JAKMIP3: variants seen among roughly 807,000 people sequenced by gnomAD.
JAKMIP3 encodes the protein janus kinase and microtubule-interacting protein 3.
Under a neutral mutation model 118.5 loss-of-function variants are expected in JAKMIP3, and 58 were observed. The observed-to-expected ratio is 0.49, with a 90% confidence interval of 0.40 to 0.61. The LOEUF (loss-of-function observed/expected upper bound fraction) is 0.61, where lower values mean the gene tolerates loss of function less well. Ranked by LOEUF, JAKMIP3 falls within the 20% of genes least tolerant of loss-of-function variation. The pLI, the probability that JAKMIP3 is intolerant of heterozygous loss-of-function variation, is 0.00. For synonymous variants in JAKMIP3, 486 were observed against 451.2 expected, an observed-to-expected ratio of 1.08 and a Z score of -0.98; for missense variants, 950 against 1,109.0, an observed-to-expected ratio of 0.86 and a Z score of 2.04.
At chr10:132,063,208 G>C (rs1160096327), upstream of JAKMIP3, among the ~76,000 whole-genome samples, 1 of 152,190 alleles carries the variant, frequency 6.6e-6, no homozygotes, top group East Asian at 1.9e-4. Context: ...CTTGGGCCTC[G>C]TGGTGCCTGG....
chr10:132,167,987 G>T lies in JAKMIP3; in HGVS notation c.*57G>T. 1 of 1,289,564 alleles carries T rather than the reference G, an allele frequency of 7.8e-7. No homozygotes were observed. The highest frequency in any genetic ancestry group is 1.2e-5 in the South Asian group (1 of 81,030). The allele number at this position is 1,289,564 out of a possible 1,614,324, so 79.9% of individuals were successfully genotyped here. Reference sequence around the variant, plus strand: ...GAATCGGACCCTTTTCCTCCAGTGGGACCAGAAAGCAGGGACAAAATGGGA... The same window carrying T: ...GAATCGGACCCTTTTCCTCCAGTGGTACCAGAAAGCAGGGACAAAATGGGA... On this transcript the variant is annotated 3_prime_UTR_variant, in exon 23 of 24. Transcript: ENST00000684848.
intron 1 of JAKMIP3, among the ~76,000 whole-genome samples, chr10:132,102,809 G>A (rs910056382): frequency 2.0e-5 from 3 of 152,210 alleles, no homozygotes; most frequent in Admixed American, 2.0e-4. Context: ...CAGGGCCCAT[G>A]TCCAAGTCTC....
intron 1 of JAKMIP3, among the ~76,000 whole-genome samples, chr10:132,097,014 GCA>G (rs1207704595): frequency 6.6e-6 from 1 of 152,250 alleles, no homozygotes; most frequent in Non-Finnish European, 1.5e-5. Flanking sequence ...GATGGCCAAG[GCA>G]CACAGGAGAG....
intron 23 of JAKMIP3, 73 bp downstream of exon 23, chr10:132,169,106 C>T (rs1043015906): frequency 2.0e-5 from 3 of 152,674 alleles, no homozygotes; most frequent in Admixed American, 2.0e-4. Context: ...CTTCTTCACA[C>T]CTCTGTGTCC....
chr10:132,175,776 A>T (rs1453637445), intron 23 of JAKMIP3, among the ~76,000 whole-genome samples: 2 of 152,234 alleles, frequency 1.3e-5, no homozygotes, highest in Non-Finnish European at 2.9e-5. Context: ...GCCCCTGTTC[A>T]GGATGTATCC....
At chr10:132,120,371 CA>C (rs1214216683) in intron 3 of JAKMIP3, among the ~76,000 whole-genome samples, 1 of 152,138 alleles carries the variant, frequency 6.6e-6, no homozygotes, top group Non-Finnish European at 1.5e-5. Flanking sequence ...CCCCTTCCCC[CA>C]GGGGTGGCTG....
chr10:132,049,613 G>A lies in JAKMIP3; in HGVS notation c.-138+12875G>A, dbSNP rs536671555. ...CCTTGAATGCTGTTTGCGTGTGCCC[G>A]GTTCTGTTTGGATGTACAGGTTTCT... On this transcript the variant is annotated intron_variant, in intron 1 of 23. Transcript: ENST00000657785. The surrounding 1 kb of genome is among the most constrained non-coding windows in gnomAD (Gnocchi z 4.3). Among the ~76,000 whole-genome samples, 23 of 151,920 alleles carry A rather than the reference G, an allele frequency of 1.5e-4. No homozygotes were observed. The highest frequency in any genetic ancestry group is 2.6e-4 in the Non-Finnish European group (18 of 68,000).
chr10:132,164,546 G>A (rs1167038181), intron 20 of JAKMIP3, 124 bp from the exon 21 acceptor site: 8 of 672,764 alleles, frequency 1.2e-5, no homozygotes, highest in Non-Finnish European at 1.8e-5. Context: ...CAGGAGCCAC[G>A]GGCCATGGCC....
At chr10:132,058,705 G>A (rs1322984185) in intron 1 of JAKMIP3, among the ~76,000 whole-genome samples, 1 of 152,226 alleles carries the variant, frequency 6.6e-6, no homozygotes, top group Non-Finnish European at 1.5e-5. Context: ...GGACGCACCC[G>A]GCTGTTGGAA....
At chr10:132,177,176 T>C (rs2060219795) in intron 23 of JAKMIP3, among the ~76,000 whole-genome samples, 1 of 152,214 alleles carries the variant, frequency 6.6e-6, no homozygotes, top group South Asian at 2.1e-4. Context: ...GCAACCATCT[T>C]GGTTAAAGCA....
chr10:132,152,448 G>A (rs1023833406), intron 16 of JAKMIP3, among the ~76,000 whole-genome samples: 56 of 152,216 alleles, frequency 3.7e-4, no homozygotes, highest in African/African-American at 1.3e-3. Flanking sequence ...GGGGCCCCTC[G>A]GTTGGGGAGG....
intron 1 of JAKMIP3, among the ~76,000 whole-genome samples, chr10:132,089,092 G>A (rs1254474912): frequency 9.2e-5 from 14 of 152,166 alleles, no homozygotes; most frequent in Non-Finnish European, 2.9e-5. Context: ...CCAGTACCAT[G>A]CTGTTTTGGT....
chr10:132,151,737 C>T (rs931788644), intron 16 of JAKMIP3, among the ~76,000 whole-genome samples: 7 of 152,156 alleles, frequency 4.6e-5, no homozygotes, highest in Non-Finnish European at 8.8e-5. Context: ...AGCCCCATAG[C>T]TGTCCACCAA....
intron 1 of JAKMIP3, among the ~76,000 whole-genome samples, chr10:132,086,289 A>G (rs961248178): frequency 6.6e-6 from 1 of 152,158 alleles, no homozygotes; most frequent in Non-Finnish European, 1.5e-5. Context: ...CATATGGTCT[A>G]TCTTGGAGAA....
At chr10:132,180,550 C>CGTGCGTGTGT (rs2060729986) in intron 23 of JAKMIP3, among the ~76,000 whole-genome samples, 1 of 6,356 alleles carries the variant, frequency 1.6e-4, no homozygotes, top group African/African-American at 8.3e-4. Context: ...TGTGTGCGTG[C>CGTGCGTGTGT]GTGCATGCGT....
chr10:132,078,840 C>T (rs987344558), intron 1 of JAKMIP3, among the ~76,000 whole-genome samples: 2 of 152,270 alleles, frequency 1.3e-5, no homozygotes, highest in African/African-American at 4.8e-5. Context: ...TGTTCCTCTT[C>T]TGTCGTGCTG....
intron 2 of JAKMIP3, among the ~76,000 whole-genome samples, chr10:132,109,109 CACACATATATATATACACACACACAT>C (rs2046431268): frequency 7.0e-6 from 1 of 143,748 alleles, no homozygotes; most frequent in African/African-American, 2.7e-5. Flanking sequence ...TATATACACA[CACACATATATATATACACACACACAT>C]ATATATATAT....
chr10:132,076,479 G>A (rs964778744), intron 1 of JAKMIP3, among the ~76,000 whole-genome samples: 1 of 152,284 alleles, frequency 6.6e-6, no homozygotes, highest in African/African-American at 2.4e-5. Flanking sequence ...ATACCTGTGT[G>A]TGTTTTTGTG....
chr10:132,115,510 C>T (rs74526435), intron 2 of JAKMIP3, among the ~76,000 whole-genome samples: 2,355 of 152,300 alleles, frequency 0.015, 49 homozygotes, highest in African/African-American at 0.053. Flanking sequence ...GGAGTCCTCT[C>T]AGGGGAAATT....
Sources: gnomAD v4.1 joint callset for allele counts (sites outside exome capture counted in the v4.1 genomes callset) on GRCh38, gnomAD v4.1.1 for gene constraint, Gnocchi (gnomAD v3.1) non-coding constraint, MANE v1.5 for transcripts, NCBI Gene and HGNC (gene_info 2026-07-23, HGNC 2026-07-21) for gene names.